Variants in TAFA5 observed in about 807,000 individuals in gnomAD.
TAFA5 encodes TAFA chemokine like family member 5.
In TAFA5, 6 loss-of-function variants were observed where a neutral mutation model predicts 15.3. The observed-to-expected ratio is 0.39, with a 90% CI of 0.21 to 0.77. The LOEUF is 0.77. Among genes scored for constraint, TAFA5 ranks in the 30% least tolerant of loss-of-function variants. TAFA5 has a pLI of 0.41. For missense variants in TAFA5, 161 were observed against 193.1 expected (o/e 0.83, Z 0.98); for synonymous variants, 103 against 80.7 (o/e 1.28, Z -1.48).
rs545800938 is a variant in TAFA5, at chr22:48,552,870, G to A, written c.112+63166G>A. Among the ~76,000 whole-genome samples the A allele has an allele frequency of 5.5e-4, 84 of 152,222 alleles. No individual in the cohort carries two copies. Among genetic ancestry groups the A allele is most frequent in the Non-Finnish European group, 1.1e-3 (73 of 68,014 alleles). On this transcript the variant is annotated intron_variant, in intron 1 of 3. Coordinates refer to ENST00000402357, the MANE Select transcript of TAFA5 (RefSeq NM_001082967.3). The surrounding 1 kb of genome is among the most constrained non-coding windows in gnomAD (Gnocchi z 4.1). ...AGGCCCAGAGCCAGCCCTGGGTGCTGAGCCCCTGGTTTCCCACTGTTGTGA... is the reference window on the plus strand; with the variant it reads ...AGGCCCAGAGCCAGCCCTGGGTGCTAAGCCCCTGGTTTCCCACTGTTGTGA...
chr22:48,575,512 C>T (rs1488377005), intron 1 of TAFA5, among the ~76,000 whole-genome samples: 1 of 146,252 alleles, frequency 6.8e-6, no homozygotes. Context: ...GCCGAGCGGG[C>T]GGGCGCGCGC....
rs769138769 is a variant in TAFA5 at position 48,693,144 on chromosome 22, C to T, written c.263-14573C>T. The stretch of plus-strand genomic sequence containing the variant: ...AGTAGCTGAGCGCAGGACGTGACCT[C>T]GAGTCGAAGCCTCTGCTGGAAAATA... On this transcript the variant is annotated intron_variant, in intron 2 of 3. Transcript: ENST00000402357. 2.2e-4 allele frequency: 160 copies of T among 734,392 alleles called. 1 individual carries two copies. The Middle Eastern group carries it at 2.6e-3, about 12-fold the overall frequency. 45.5% of individuals were successfully genotyped at this position (734,392 alleles called of 1,614,324 possible).
intron 1 of TAFA5, among the ~76,000 whole-genome samples, chr22:48,563,360 G>A (rs1394666076): frequency 6.6e-6 from 1 of 152,188 alleles, no homozygotes; most frequent in East Asian, 1.9e-4. Context: ...GACCACGGGG[G>A]CCGTTTCTCC....
intron 1 of TAFA5, among the ~76,000 whole-genome samples, chr22:48,506,720 CG>C (rs1490791813): frequency 2.0e-5 from 3 of 152,200 alleles, no homozygotes; most frequent in African/African-American, 7.2e-5. Context: ...TCAGGGCACA[CG>C]GCAAATGGAC....
intron 3 of TAFA5, among the ~76,000 whole-genome samples, chr22:48,734,570 C>A (rs1929955815): frequency 6.6e-6 from 1 of 152,254 alleles, no homozygotes; most frequent in Non-Finnish European, 1.5e-5. Flanking sequence ...TTTGGGGCGG[C>A]CTGCCTGGCC....
intron 1 of TAFA5, among the ~76,000 whole-genome samples, chr22:48,523,975 C>T (rs1353404722): frequency 1.3e-5 from 2 of 152,222 alleles, no homozygotes; most frequent in Non-Finnish European, 2.9e-5. Context: ...CAGCTACCAC[C>T]GCACGTGGTC....
rs1455954489 is a variant in TAFA5, at chr22:48,620,222, C to T, written c.113-26375C>T. Among the ~76,000 whole-genome samples, 7 of 152,172 alleles carry T rather than the reference C, an allele frequency of 4.6e-5. No individual in the cohort carries two copies. The East Asian group carries it at 1.4e-3, about 30-fold the overall frequency. ...CCCCCTTGGTGTCCTCTCTGGTGAA[C>T]TCCAGCCACCTCTCCCTCCACAGGG... On this transcript the variant is annotated intron_variant, in intron 1 of 3. Transcript: ENST00000402357.
At chr22:48,503,899 C>T (rs1920968944) in intron 1 of TAFA5, among the ~76,000 whole-genome samples, 1 of 152,136 alleles carries the variant, frequency 6.6e-6, no homozygotes. Flanking sequence ...CACACCAGCA[C>T]CACAGGACCC....
chr22:48,610,677 G>A (rs962837386), intron 1 of TAFA5, among the ~76,000 whole-genome samples: 1 of 152,120 alleles, frequency 6.6e-6, no homozygotes, highest in African/African-American at 2.4e-5. Flanking sequence ...GTTGGGCCGT[G>A]TGATTTCTGG....
chr22:48,581,496 C>T (rs1468217861), intron 1 of TAFA5, among the ~76,000 whole-genome samples: 1 of 152,172 alleles, frequency 6.6e-6, no homozygotes, highest in Non-Finnish European at 1.5e-5. Context: ...ACTCGGTGGT[C>T]TGGAGGTGGG....
chr22:48,565,114 G>A (rs1337102600), intron 1 of TAFA5, among the ~76,000 whole-genome samples: 1 of 152,216 alleles, frequency 6.6e-6, no homozygotes, highest in Non-Finnish European at 1.5e-5. Flanking sequence ...GAGGAGACTG[G>A]CCATGGTCAC....
chr22:48,580,402 G>C (rs1456939707), intron 1 of TAFA5, among the ~76,000 whole-genome samples: 2 of 152,224 alleles, frequency 1.3e-5, no homozygotes, highest in Non-Finnish European at 2.9e-5. Flanking sequence ...TTAAGAAATG[G>C]ATAGAGAACT....
At chr22:48,654,306 C>T (rs1046871733) in intron 2 of TAFA5, among the ~76,000 whole-genome samples, 4 of 152,168 alleles carry the variant, frequency 2.6e-5, no homozygotes, top group Non-Finnish European at 5.9e-5. Context: ...GGGGCTGGGG[C>T]GCTGGTGTCC....
At position 48,698,762 on chromosome 22, in the gene TAFA5, C is replaced by T. The variant is rs144130080; in HGVS notation, c.263-8955C>T. ...CCTCCTGGCCTCCCTTCCGCAGCCTCGGGGTGCAGCCCGTCTGGGCTCTAC... is the reference window on the plus strand; with the variant it reads ...CCTCCTGGCCTCCCTTCCGCAGCCTTGGGGTGCAGCCCGTCTGGGCTCTAC... On this transcript the variant is annotated intron_variant, in intron 2 of 3. Coordinates refer to ENST00000402357, the MANE Select transcript of TAFA5 (RefSeq NM_001082967.3). 6.8e-3 allele frequency among the ~76,000 whole-genome samples: 298 copies of T among 43,830 alleles called. 2 individuals carry two copies. The highest frequency in any genetic ancestry group is 0.011 in the Non-Finnish European group (242 of 22,226). 28.8% of individuals were successfully genotyped at this position (43,830 alleles called of 152,430 possible). A position where few individuals can be genotyped will look rare whatever the true frequency, so the allele number is the denominator to read the frequency against.
At chr22:48,694,670 T>C (rs743060) in intron 2 of TAFA5, among the ~76,000 whole-genome samples, 27,309 of 152,018 alleles carry the variant, frequency 0.18, 2,645 homozygotes, top group Non-Finnish European at 0.22. Context: ...CATCTGATGT[T>C]CTCTGTGTCC....
chr22:48,535,903 G>A (rs1424581352), intron 1 of TAFA5, among the ~76,000 whole-genome samples: 3 of 151,664 alleles, frequency 2.0e-5, no homozygotes, highest in Admixed American at 1.3e-4. Flanking sequence ...CAGGCTGTGT[G>A]GGTATATGCA....
intron 1 of TAFA5, among the ~76,000 whole-genome samples, chr22:48,569,063 C>T (rs574218228): frequency 6.2e-4 from 94 of 152,250 alleles, no homozygotes; most frequent in African/African-American, 2.0e-3. Context: ...CTGGTTCAGG[C>T]GAACCACAGG....
At chr22:48,647,841 G>C (rs555518253) in intron 2 of TAFA5, among the ~76,000 whole-genome samples, 15 of 152,288 alleles carry the variant, frequency 9.8e-5, no homozygotes, top group African/African-American at 3.4e-4. Flanking sequence ...TGCAGGGAGG[G>C]AGGGTCCCCC....
At chr22:48,595,754 C>T (rs952086184) in intron 1 of TAFA5, among the ~76,000 whole-genome samples, 2 of 152,292 alleles carry the variant, frequency 1.3e-5, no homozygotes, top group African/African-American at 2.4e-5. Flanking sequence ...CACAGGGCCA[C>T]GCTCACATCA....
Sources: allele counts gnomAD v4.1 joint callset (sites outside exome capture counted in the v4.1 genomes callset), GRCh38; gene constraint gnomAD v4.1.1; non-coding constraint Gnocchi (gnomAD v3.1); transcripts MANE v1.5; gene names NCBI Gene and HGNC (gene_info 2026-07-23, HGNC 2026-07-21).